WWOX: variants seen among roughly 807,000 people sequenced by gnomAD.
WWOX encodes the protein WW domain-containing oxidoreductase.
WWOX carries 69 observed loss-of-function variants against 46.2 expected under a neutral mutation model. The ratio of observed to expected loss-of-function variants is 1.49; its 90% CI spans 1.23 to 1.82. WWOX has a LOEUF of 1.82. Ranked by LOEUF, WWOX falls within the 40% of genes most tolerant of loss-of-function variation. The pLI, the probability that WWOX is intolerant of heterozygous loss-of-function variation, is 0.00. For synonymous variants in WWOX, 359 were observed against 202.6 expected, an observed-to-expected ratio of 1.77 and a Z score of -6.56; for missense variants, 919 against 542.6, an observed-to-expected ratio of 1.69 and a Z score of -6.89.
At chr16:79,064,480 G>A (rs949712062) in intron 8 of WWOX, among the ~76,000 whole-genome samples, 3 of 152,210 alleles carry the variant, frequency 2.0e-5, no homozygotes, top group African/African-American at 7.2e-5. Flanking sequence ...TCATCATCAC[G>A]TTTGTTGAGG....
At position 79,003,529 on chromosome 16, in the gene WWOX, G is replaced by T. The variant is rs113221145; in HGVS notation, c.1057-208079G>T. Among the ~76,000 whole-genome samples, 4 of 152,186 alleles carry T rather than the reference G, an allele frequency of 2.6e-5. No homozygotes were observed. In the East Asian group the frequency reaches 5.8e-4, roughly 22 times the overall value. The stretch of plus-strand genomic sequence containing the variant: ...CAGGACTCTGGATAGGGTTTGGCTG[G>T]TTGAGTCTCCTCTTGCAGTGGCTGT... On this transcript the variant is annotated intron_variant, in intron 8 of 8. Transcript: ENST00000566780.
chr16:78,932,477 A>G (rs571934844), intron 8 of WWOX, among the ~76,000 whole-genome samples: 1 of 152,314 alleles, frequency 6.6e-6, no homozygotes, highest in Non-Finnish European at 1.5e-5. Context: ...ACAGCCACAG[A>G]TAGATCCCAG....
At chr16:78,730,640 A>G (rs963030830) in intron 8 of WWOX, among the ~76,000 whole-genome samples, 3 of 74,882 alleles carry the variant, frequency 4.0e-5, no homozygotes, top group African/African-American at 1.2e-4. Flanking sequence ...TTTTTTTTTA[A>G]GTAGAGACAG....
chr16:79,166,954 T>A (rs2050606214), intron 8 of WWOX, among the ~76,000 whole-genome samples: 1 of 152,182 alleles, frequency 6.6e-6, no homozygotes, highest in Admixed American at 6.5e-5. Context: ...ATAATTATTT[T>A]TTTTTGAGAC....
chr16:78,685,689 C>T (rs557391505), intron 8 of WWOX, among the ~76,000 whole-genome samples: 1 of 152,318 alleles, frequency 6.6e-6, no homozygotes, highest in East Asian at 1.9e-4. Flanking sequence ...ATGCTTAGCA[C>T]AGAACTCCTG....
chr16:78,405,948 C>G (rs747632039), intron 6 of WWOX, among the ~76,000 whole-genome samples: 1 of 152,050 alleles, frequency 6.6e-6, no homozygotes, highest in Non-Finnish European at 1.5e-5. Context: ...TAAAATTGCA[C>G]TAAACAAAAG....
At chr16:79,073,029 A>G (rs1468508764) in intron 8 of WWOX, among the ~76,000 whole-genome samples, 2 of 152,156 alleles carry the variant, frequency 1.3e-5, no homozygotes, top group African/African-American at 2.4e-5. Context: ...ACCCATATCT[A>G]GACGTGTGCT....
intron 8 of WWOX, among the ~76,000 whole-genome samples, chr16:78,930,467 T>TC (rs1477949129): frequency 6.7e-6 from 1 of 148,320 alleles, no homozygotes; most frequent in African/African-American, 2.5e-5. Flanking sequence ...TTTTTTTTTT[T>TC]TTCTGTAGAG....
chr16:78,390,027 G>A (rs9940656), intron 6 of WWOX, among the ~76,000 whole-genome samples: 48,818 of 152,100 alleles, frequency 0.32, 9,606 homozygotes, highest in South Asian at 0.53. Context: ...AATTACAGGC[G>A]TGAGCCACCC....
intron 5 of WWOX, among the ~76,000 whole-genome samples, chr16:78,228,496 C>T (rs12921948): frequency 0.11 from 16,899 of 151,976 alleles, 1,071 homozygotes; most frequent in Non-Finnish European, 0.14. Flanking sequence ...TGCTTGCCAC[C>T]ATGCCCAACT....
At chr16:78,649,147 T>G (rs911082041) in intron 8 of WWOX, among the ~76,000 whole-genome samples, 2 of 151,888 alleles carry the variant, frequency 1.3e-5, no homozygotes, top group Non-Finnish European at 2.9e-5. Context: ...CTAATTTTTT[T>G]GGTTTTTTTT....
chr16:78,551,540 G>T (rs1310184315), intron 8 of WWOX: 1 of 152,164 alleles, frequency 6.6e-6, no homozygotes, highest in Non-Finnish European at 1.5e-5. Context: ...CAAAGGAAAG[G>T]AATAGCCTAG....
chr16:79,062,848 C>G (rs561491196), intron 8 of WWOX, among the ~76,000 whole-genome samples: 1 of 152,054 alleles, frequency 6.6e-6, no homozygotes, highest in Non-Finnish European at 1.5e-5. Context: ...AATGTCGAAT[C>G]GGCATTGAAG....
chr16:79,199,937 C>A (rs1179356416), intron 8 of WWOX, among the ~76,000 whole-genome samples: 1 of 152,156 alleles, frequency 6.6e-6, no homozygotes, highest in Non-Finnish European at 1.5e-5. Flanking sequence ...TGGTGTACCC[C>A]ATTGTCATGA....
intron 8 of WWOX, among the ~76,000 whole-genome samples, chr16:78,594,433 C>A (rs1439400838): frequency 7.5e-5 from 4 of 53,252 alleles, no homozygotes; most frequent in Admixed American, 1.4e-4. Flanking sequence ...GGAAAGGCCC[C>A]CCCCCCCCCC....
Position 78,424,438 on chromosome 16 carries a change from C to A in WWOX, c.606-432C>A, listed in dbSNP as rs73572818. On this transcript the variant is annotated intron_variant, in intron 6 of 8. Coordinates refer to ENST00000566780, the MANE Select transcript of WWOX (RefSeq NM_016373.4). ...CCTGGCCCTGTGTCAGCCTTTTTAA[C>A]AGCATAATTTTTCCTTTATTAGTCA... is the stretch of plus-strand genomic sequence containing the variant. Among the ~76,000 whole-genome samples, 1,268 of 152,246 alleles carry A rather than the reference C, an allele frequency of 8.3e-3. 16 individuals carry two copies. The highest frequency in any genetic ancestry group is 0.028 in the African/African-American group (1,148 of 41,552).
intron 5 of WWOX, among the ~76,000 whole-genome samples, chr16:78,212,153 T>A (rs2036579090): frequency 6.6e-6 from 1 of 152,222 alleles, no homozygotes; most frequent in Admixed American, 6.5e-5. Context: ...GCACCTGGCC[T>A]CAGCTGTAGA....
intron 5 of WWOX, among the ~76,000 whole-genome samples, chr16:78,289,513 G>A (rs2079825881): frequency 6.6e-6 from 1 of 152,152 alleles, no homozygotes; most frequent in African/African-American, 2.4e-5. Context: ...GAGAAACCCT[G>A]TAACTTGGAT....
chr16:78,748,906 A>G (rs898647487), intron 8 of WWOX, among the ~76,000 whole-genome samples: 2 of 152,224 alleles, frequency 1.3e-5, no homozygotes, highest in Non-Finnish European at 2.9e-5. Context: ...AGCCTGACAC[A>G]TGGTCTCTTA....
Sources: allele counts gnomAD v4.1 joint callset (sites outside exome capture counted in the v4.1 genomes callset), GRCh38; gene constraint gnomAD v4.1.1; transcripts MANE v1.5; gene names NCBI Gene and HGNC (gene_info 2026-07-23, HGNC 2026-07-21).